LMF1: variants seen among roughly 807,000 people sequenced by gnomAD.
LMF1 encodes transmembrane protein 112.
In LMF1, 68 loss-of-function variants were observed where a neutral mutation model predicts 60.6. The observed-to-expected ratio is 1.12, with a 90% CI of 0.92 to 1.37. LMF1 has a LOEUF of 1.37. Ranked by LOEUF, LMF1 falls within the 40% of genes most tolerant of loss-of-function variation. LMF1 has a pLI of 0.00. For synonymous variants in LMF1, 418 were observed against 324.7 expected, an observed-to-expected ratio of 1.29 and a Z score of -3.09; for missense variants, 948 against 767.2, an observed-to-expected ratio of 1.24 and a Z score of -2.78.
chr16:906,814 A>G (rs1173753732), intron 4 of LMF1, among the ~76,000 whole-genome samples: 1 of 152,116 alleles, frequency 6.6e-6, no homozygotes, highest in Non-Finnish European at 1.5e-5. Context: ...TACATCTAAG[A>G]GTCAGTTTAT....
intron 3 of LMF1, among the ~76,000 whole-genome samples, chr16:915,019 C>A (rs1036513047): frequency 2.0e-5 from 3 of 152,264 alleles, no homozygotes; most frequent in African/African-American, 2.4e-5. Flanking sequence ...GCTCGGCTGG[C>A]CCAGGAGGGG....
chr16:909,150 C>G lies in LMF1; in HGVS notation c.663+1781G>C, dbSNP rs545633374. On this transcript the variant is annotated intron_variant, in intron 4 of 10. Coordinates refer to ENST00000262301, the MANE Select transcript of LMF1 (RefSeq NM_022773.4). ...GTGCTCGCATACCACCAGGGAGCACCTCAAGAAATGGCCAGTTCACTCCAT... is the reference window on the plus strand; with the variant it reads ...GTGCTCGCATACCACCAGGGAGCACGTCAAGAAATGGCCAGTTCACTCCAT... 3.3e-5 allele frequency among the ~76,000 whole-genome samples: 5 copies of G among 152,280 alleles called. No homozygotes were observed. In the South Asian group the frequency reaches 1.0e-3, roughly 32 times the overall value.
intron 10 of LMF1, 90 bp downstream of exon 10, chr16:868,830 GAGGGAAGGGGCGCTTCCCGTGAGC>G: frequency 7.1e-6 from 5 of 708,924 alleles, no homozygotes; most frequent in Non-Finnish European, 1.2e-5. Flanking sequence ...GCCTCTGCGG[GAGGGAAGGGGCGCTTCCCGTGAGC>G]AGGTGGGGGT....
At position 970,904 on chromosome 16, in the gene LMF1, T is replaced by G. The variant is rs1366728753; in HGVS notation, c.77A>C (p.Glu26Ala). 5.1e-6 allele frequency: 8 copies of G among 1,580,772 alleles called. No homozygotes were observed. The highest frequency in any genetic ancestry group is 1.4e-5 in the African/African-American group (1 of 72,360). Reference sequence around the variant, plus strand: ...CCCCGGCGCGGGCGGCGACTCAGGCTCCGGATCCGAGTACCCAGTCTTCCG... The same window carrying G: ...CCCCGGCGCGGGCGGCGACTCAGGCGCCGGATCCGAGTACCCAGTCTTCCG... ...RRRKTGYSDPEPESPPAPGRG... is the reference protein window; with the variant it reads ...RRRKTGYSDPAPESPPAPGRG... Residue 26 changes from glutamate (E) to alanine (A), a missense_variant, in exon 1 of 11, where the codon GAG becomes GCG. Coordinates refer to ENST00000262301, the MANE Select transcript of LMF1 (RefSeq NM_022773.4).
At chr16:959,200 C>T (rs986432025) in intron 1 of LMF1, among the ~76,000 whole-genome samples, 3 of 152,176 alleles carry the variant, frequency 2.0e-5, no homozygotes, top group African/African-American at 7.2e-5. Flanking sequence ...GGATAAATAA[C>T]CGGAGGTGCA....
At chr16:970,514 C>A (rs2073019738) in intron 1 of LMF1, among the ~76,000 whole-genome samples, 1 of 152,170 alleles carries the variant, frequency 6.6e-6, no homozygotes, top group Non-Finnish European at 1.5e-5. Context: ...TCCTGGCAGG[C>A]GCGGCCGTGC....
In LMF1 at chr16:952,968, C is replaced by CAGA. The variant is rs1567308125; in HGVS notation, c.503+1388_503+1389insTCT. Reference sequence around the variant, plus strand: ...AGCCTCCTGCACGTCCACACAGACACCCCAAACCAGCCTCCTACATATCCA... The same window carrying CAGA: ...AGCCTCCTGCACGTCCACACAGACACAGACCCAAACCAGCCTCCTACATATCCA... On this transcript the variant is annotated intron_variant, in intron 2 of 10. Transcript: ENST00000262301. Among the ~76,000 whole-genome samples the CAGA allele has an allele frequency of 4.1e-3, 347 of 83,798 alleles. 23 individuals are homozygous for CAGA. Among genetic ancestry groups the CAGA allele is most frequent in the South Asian group, 0.013 (26 of 2,006 alleles). 55.0% of individuals were successfully genotyped at this position (83,798 alleles called of 152,430 possible).
At chr16:916,138 C>A (rs898438313) in intron 3 of LMF1, among the ~76,000 whole-genome samples, 11 of 152,176 alleles carry the variant, frequency 7.2e-5, no homozygotes, top group African/African-American at 2.4e-4. Context: ...AGGTGCAAGT[C>A]ATTGCAATGG....
chr16:915,528 G>A (rs908321205), intron 3 of LMF1, among the ~76,000 whole-genome samples: 4 of 152,226 alleles, frequency 2.6e-5, no homozygotes, highest in Non-Finnish European at 5.9e-5. Flanking sequence ...TGCGCCTGGC[G>A]GCCTGGGGCA....
chr16:919,123 C>A (rs980932553), intron 3 of LMF1, among the ~76,000 whole-genome samples: 2 of 152,138 alleles, frequency 1.3e-5, no homozygotes, highest in Non-Finnish European at 2.9e-5. Context: ...CCTCACCACA[C>A]AGTCTCGGGG....
intron 2 of LMF1, among the ~76,000 whole-genome samples, chr16:936,945 G>A (rs1437984011): frequency 6.6e-6 from 1 of 152,134 alleles, no homozygotes; most frequent in Non-Finnish European, 1.5e-5. Context: ...ACTCCAGCCT[G>A]GGCGACAGGG....
chr16:977,589 C>G (rs1056365211), intron 1 of LMF1, among the ~76,000 whole-genome samples: 1 of 151,734 alleles, frequency 6.6e-6, no homozygotes, highest in Non-Finnish European at 1.5e-5. Flanking sequence ...CGGCTGCCAG[C>G]GGGTTCACGC....
At chr16:908,681 G>T (rs973829292) in intron 4 of LMF1, among the ~76,000 whole-genome samples, 1 of 152,246 alleles carries the variant, frequency 6.6e-6, no homozygotes, top group African/African-American at 2.4e-5. Context: ...AGGTCACCAG[G>T]CTGCAGCATG....
upstream of LMF1, among the ~76,000 whole-genome samples, chr16:975,207 G>A (rs1006586523): frequency 1.3e-5 from 2 of 152,192 alleles, no homozygotes; most frequent in African/African-American, 4.8e-5. Context: ...AGGAGATGCG[G>A]CTCCATGTGA....
In LMF1 at chr16:950,137, G is replaced by A. The variant is rs191526633; in HGVS notation, c.503+4220C>T. On this transcript the variant is annotated intron_variant, in intron 2 of 10. Transcript: ENST00000262301. Reference sequence around the variant, plus strand: ...CAGAGACGAAAGACTCAGAGCCAATGACAGAGTCAGAGCCAATGACAGAGT... The same window carrying A: ...CAGAGACGAAAGACTCAGAGCCAATAACAGAGTCAGAGCCAATGACAGAGT... Among the ~76,000 whole-genome samples the A allele has an allele frequency of 9.9e-5, 10 of 100,582 alleles. 3 individuals are homozygous for A. The Admixed American group carries it at 1.0e-3, about 10-fold the overall frequency. The allele number at this position is 100,582 out of a possible 152,430, so 66.0% of individuals were successfully genotyped here.
At chr16:855,060 T>G (rs1053454303) in intron 10 of LMF1, 4 of 367,752 alleles carry the variant, frequency 1.1e-5, no homozygotes, top group African/African-American at 6.2e-5. Flanking sequence ...GGCCCCAGTT[T>G]GAGCCCCAAG....
chr16:981,182 G>A (rs1254858482), exon 1 of LMF1: 1 of 455,070 alleles, frequency 2.2e-6, no homozygotes, highest in South Asian at 1.6e-5. Flanking sequence ...GACGAGCTGG[G>A]CCTGGGCGCT....
At chr16:918,256 G>A (rs965256208) in intron 3 of LMF1, among the ~76,000 whole-genome samples, 3 of 152,278 alleles carry the variant, frequency 2.0e-5, no homozygotes, top group Non-Finnish European at 2.9e-5. Context: ...AGTGACCCCT[G>A]CGCCCGGCCG....
intron 4 of LMF1, among the ~76,000 whole-genome samples, chr16:895,057 G>T (rs1360889835): frequency 2.0e-5 from 3 of 152,166 alleles, no homozygotes; most frequent in Admixed American, 2.0e-4. Context: ...GGAGGCCGCG[G>T]GGGGAGGCCC....
Sources: gnomAD v4.1 joint callset for allele counts (sites outside exome capture counted in the v4.1 genomes callset) on GRCh38, gnomAD v4.1.1 for gene constraint, MANE v1.5 for transcripts, NCBI Gene and HGNC (gene_info 2026-07-23, HGNC 2026-07-21) for gene names.